The following GPHN variants were observed in gnomAD, a reference collection of about 807,000 sequenced individuals.
GPHN encodes the protein gephyrin.
GPHN carries 17 observed loss-of-function variants against 95.5 expected under a neutral mutation model. That is an observed-to-expected ratio of 0.18 (90% confidence interval 0.12 to 0.27). GPHN has a LOEUF of 0.27. GPHN is among the 10% of genes least tolerant of loss of function. The pLI, the probability that GPHN is intolerant of heterozygous loss-of-function variation, is 1.00. For synonymous variants in GPHN, 320 were observed against 322.5 expected (o/e 0.99, Z 0.08); for missense variants, 660 against 978.1 (o/e 0.67, Z 4.34).
the GPHN span, among the ~76,000 whole-genome samples, chr14:67,681,007 C>A: frequency 1.3e-5 from 2 of 152,196 alleles, no homozygotes; most frequent in Non-Finnish European, 1.5e-5. Flanking sequence ...CTGTTATACT[C>A]CAATTGTGTT....
chr14:67,690,929 C>G, the GPHN span: 26 of 562,090 alleles, frequency 4.6e-5, no homozygotes, highest in Middle Eastern at 4.2e-4. Context: ...CCAAGGCAAA[C>G]CAAATCTAAA....
chr14:67,493,076 A>G, the GPHN span, among the ~76,000 whole-genome samples: 1 of 152,200 alleles, frequency 6.6e-6, no homozygotes, highest in Admixed American at 6.5e-5. Flanking sequence ...GAACTTTGGG[A>G]AAAGCATTCC....
At chr14:67,133,391 A>G (rs2079847019) in intron 17 of GPHN, among the ~76,000 whole-genome samples, 1 of 152,182 alleles carries the variant, frequency 6.6e-6, no homozygotes, top group Non-Finnish European at 1.5e-5. Flanking sequence ...TAAAATAGAA[A>G]TGTATTTGCA....
chr14:66,612,852 A>G (rs187996067), intron 1 of GPHN, among the ~76,000 whole-genome samples: 4 of 152,142 alleles, frequency 2.6e-5, no homozygotes, highest in Non-Finnish European at 4.4e-5. Flanking sequence ...TCTGAGATTT[A>G]TCTCTTATTA....
intron 12 of GPHN, 90 bp from the exon 13 acceptor site, chr14:67,100,766 G>C (rs763985621): frequency 1.3e-5 from 11 of 838,498 alleles, no homozygotes; most frequent in Non-Finnish European, 2.1e-5. Context: ...CAAATAATTT[G>C]AGTCAAATTT....
chr14:67,004,433 G>T (rs1049272822), intron 9 of GPHN, among the ~76,000 whole-genome samples: 1 of 151,682 alleles, frequency 6.6e-6, no homozygotes. Flanking sequence ...AGAGAATGTT[G>T]CAAAAATTAA....
the GPHN span, among the ~76,000 whole-genome samples, chr14:67,539,257 A>C: frequency 6.6e-6 from 1 of 152,174 alleles, no homozygotes; most frequent in Admixed American, 6.6e-5. Flanking sequence ...CTGTGATCTT[A>C]GCTCAGAGAA....
intron 9 of GPHN, among the ~76,000 whole-genome samples, chr14:67,008,201 T>A (rs2072734504): frequency 6.6e-6 from 1 of 152,134 alleles, no homozygotes; most frequent in Non-Finnish European, 1.5e-5. Flanking sequence ...ATGCCTGTAA[T>A]CCCAGCACTT....
chr14:66,716,765 A>G (rs577979211), intron 2 of GPHN, among the ~76,000 whole-genome samples: 2 of 152,194 alleles, frequency 1.3e-5, no homozygotes, highest in African/African-American at 4.8e-5. Flanking sequence ...TTATATCTTC[A>G]TGTATGTTGC....
chr14:67,634,843 C>A, the GPHN span, among the ~76,000 whole-genome samples: 1 of 152,150 alleles, frequency 6.6e-6, no homozygotes, highest in Non-Finnish European at 1.5e-5. Context: ...TTACTTATCC[C>A]TCTCTATTAA....
chr14:67,190,068 ATT>A, the GPHN span, among the ~76,000 whole-genome samples: 781 of 115,420 alleles, frequency 6.8e-3, 10 homozygotes, highest in African/African-American at 0.023. Context: ...TGCCCAGCTA[ATT>A]TTTTTTTTTT....
chr14:66,700,432 T>C (rs1402486495), intron 2 of GPHN, among the ~76,000 whole-genome samples: 1 of 152,226 alleles, frequency 6.6e-6, no homozygotes, highest in African/African-American at 2.4e-5. Flanking sequence ...CAGTAATACA[T>C]GTACGCATGT....
the GPHN span, among the ~76,000 whole-genome samples, chr14:67,716,294 G>C: frequency 6.6e-6 from 1 of 152,194 alleles, no homozygotes; most frequent in East Asian, 1.9e-4. Context: ...TAGTGTATGG[G>C]AGCAAGAGAA....
chr14:66,985,375 T>C (rs1293019493), intron 9 of GPHN, among the ~76,000 whole-genome samples: 3 of 152,214 alleles, frequency 2.0e-5, no homozygotes, highest in East Asian at 3.8e-4. Context: ...CTTTGTTTTT[T>C]GTAAGCCAAA....
chr14:66,560,167 G>A (rs2060174875), intron 1 of GPHN, among the ~76,000 whole-genome samples: 2 of 152,084 alleles, frequency 1.3e-5, no homozygotes, highest in African/African-American at 2.4e-5. Flanking sequence ...TTGAAGTCAG[G>A]TAGCGTGATG....
At chr14:67,729,484 A>C in the GPHN span, 1 of 1,188,136 alleles carries the variant, frequency 8.4e-7, no homozygotes, top group Non-Finnish European at 1.2e-6. Flanking sequence ...CTGATGATGC[A>C]ATCCAGGTTT....
intron 8 of GPHN, among the ~76,000 whole-genome samples, chr14:66,929,238 G>A (rs774805557): frequency 6.6e-6 from 1 of 151,862 alleles, no homozygotes; most frequent in Non-Finnish European, 1.5e-5. Context: ...GTGTTTAGTA[G>A]AGAGGGGGTT....
At chr14:67,726,009 A>T in the GPHN span, 1 of 1,301,960 alleles carries the variant, frequency 7.7e-7, no homozygotes, top group African/African-American at 1.5e-5. Flanking sequence ...CAGCTAGGGG[A>T]CTCCTTGCTA....
At chr14:67,571,981 G>T in the GPHN span, 1 of 1,509,274 alleles carries the variant, frequency 6.6e-7, no homozygotes, top group Admixed American at 2.0e-5. Flanking sequence ...GAACATGGGC[G>T]TCCCCACTTG....
Sources: allele counts gnomAD v4.1 joint callset (sites outside exome capture counted in the v4.1 genomes callset), GRCh38; gene constraint gnomAD v4.1.1; transcripts MANE v1.5; gene names NCBI Gene and HGNC (gene_info 2026-07-23, HGNC 2026-07-21).